The following STXBP5 variants were observed in gnomAD, a reference collection of about 807,000 sequenced individuals.
STXBP5 encodes the protein syntaxin-binding protein 5.
A neutral mutation model predicts 152.4 loss-of-function variants in STXBP5; 50 were observed. The ratio of observed to expected loss-of-function variants is 0.33; its 90% CI spans 0.26 to 0.42. The LOEUF (loss-of-function observed/expected upper bound fraction) is 0.42. Among genes scored for constraint, STXBP5 ranks in the 10% least tolerant of loss-of-function variants. The pLI is 1.00. For missense variants in STXBP5, 1,167 were observed against 1,388.6 expected, an observed-to-expected ratio of 0.84 and a Z score of 2.54; for synonymous variants, 492 against 494.7, an observed-to-expected ratio of 0.99 and a Z score of 0.07.
chr6:147,317,166 G>A (rs948168985), intron 16 of STXBP5, among the ~76,000 whole-genome samples: 1 of 152,096 alleles, frequency 6.6e-6, no homozygotes, highest in South Asian at 2.1e-4. Flanking sequence ...GGTAGAGAGG[G>A]TAGTAAGTAA....
At position 147,316,400 on chromosome 6, in the gene STXBP5, T is replaced by A. The variant is rs778593617; in HGVS notation, c.1795T>A (p.Cys599Ser). 1 of 1,519,662 alleles carries A rather than the reference T, an allele frequency of 6.6e-7. No homozygotes were observed. The highest frequency in any genetic ancestry group is 8.8e-7 in the Non-Finnish European group (1 of 1,137,736). The allele number at this position is 1,519,662 out of a possible 1,614,324, so 94.1% of individuals were successfully genotyped here. A position where few individuals can be genotyped will look rare whatever the true frequency, so the allele number is the denominator to read the frequency against. The change falls in exon 16 of 28, where the codon TGT becomes AGT. Residue 599 changes from cysteine (C) to serine (S), a missense_variant. By Grantham distance (112) the Cys-to-Ser change is moderately radical. This residue lies in a region of STXBP5 where 833 missense variants were observed against 986.3 expected (regional missense o/e 0.84). Transcript: ENST00000321680. ...SSDGLRDNVP[C>S]LKVKNSPLKQ... ...TGATGGGCTTCGTGATAATGTACCT[T>A]GTTTAAAGTAAGTTATAAAAAACTA...
intron 5 of STXBP5, among the ~76,000 whole-genome samples, chr6:147,261,531 G>A (rs1014688691): frequency 4.6e-5 from 7 of 151,982 alleles, no homozygotes; most frequent in Non-Finnish European, 8.8e-5. Flanking sequence ...TTTGAGATAA[G>A]GATAATTCTG....
At chr6:147,267,384 A>G (rs1418077334) in intron 7 of STXBP5, among the ~76,000 whole-genome samples, 1 of 152,196 alleles carries the variant, frequency 6.6e-6, no homozygotes, top group Non-Finnish European at 1.5e-5. Flanking sequence ...TACAGGTAGC[A>G]TGTTACCAGT....
At position 147,252,168 on chromosome 6, in the gene STXBP5, TCTC is replaced by T. The variant is rs1421165328; in HGVS notation, c.432-8442_432-8440del. 1.2e-4 allele frequency among the ~76,000 whole-genome samples: 18 copies of T among 152,062 alleles called. No homozygotes were observed. The East Asian group carries it at 3.3e-3, about 28-fold the overall frequency. ...AAAATTCAAAAACCAAAATGTCTCT[TCTC>T]CTCCAAAGGATCACAACTCCTTGCC... On this transcript the variant is annotated intron_variant, in intron 4 of 27. Transcript: ENST00000321680.
At chr6:147,231,952 T>C (rs1423312652) in intron 2 of STXBP5, among the ~76,000 whole-genome samples, 1 of 151,934 alleles carries the variant, frequency 6.6e-6, no homozygotes, top group Non-Finnish European at 1.5e-5. Flanking sequence ...TCTTGTATTA[T>C]AATGGTATGT....
chr6:147,248,866 G>C (rs1008985883), intron 4 of STXBP5, among the ~76,000 whole-genome samples: 5 of 152,144 alleles, frequency 3.3e-5, no homozygotes, highest in African/African-American at 9.7e-5. Context: ...TTAAGAGACT[G>C]GATTTTTCCT....
intron 15 of STXBP5, among the ~76,000 whole-genome samples, 170 bp from the exon 16 acceptor site, chr6:147,316,059 C>T (rs1304817314): frequency 2.0e-5 from 3 of 152,034 alleles, no homozygotes; most frequent in South Asian, 2.1e-4. Flanking sequence ...GAGTCAAGAA[C>T]GTTTTCTTTC....
In STXBP5 at chr6:147,277,039, G is replaced by T. The variant is rs117562827; in HGVS notation, c.715-1042G>T. Among the ~76,000 whole-genome samples the T allele has an allele frequency of 3.9e-3, 590 of 152,120 alleles. 7 individuals are homozygous for T. Among genetic ancestry groups the T allele is most frequent in the South Asian group, 0.011 (53 of 4,832 alleles). On this transcript the variant is annotated intron_variant, in intron 7 of 27. Transcript: ENST00000321680. The stretch of plus-strand genomic sequence containing the variant: ...TTATGATATTTTTGACTTATGATGA[G>T]TTTATCAGGGTATGACTTCATCGTA...
intron 9 of STXBP5, among the ~76,000 whole-genome samples, chr6:147,302,328 C>A (rs1781862732): frequency 6.6e-6 from 1 of 152,074 alleles, no homozygotes; most frequent in South Asian, 2.1e-4. Context: ...AACAGGCACA[C>A]ACCTACAAAA....
chr6:147,258,499 T>C (rs1255070751), intron 4 of STXBP5, among the ~76,000 whole-genome samples: 43 of 152,154 alleles, frequency 2.8e-4, no homozygotes, highest in Non-Finnish European at 1.5e-5. Flanking sequence ...AGTGAGTGGA[T>C]CTCGGCTCAC....
At chr6:147,315,891 A>AT (rs1460465526) in intron 15 of STXBP5, among the ~76,000 whole-genome samples, 156 bp downstream of exon 15, 2 of 152,130 alleles carry the variant, frequency 1.3e-5, no homozygotes, top group Non-Finnish European at 2.9e-5. Flanking sequence ...AAAAAACAGC[A>AT]TTTTTTGCAT....
chr6:147,240,365 G>A (rs1778482154), intron 4 of STXBP5, among the ~76,000 whole-genome samples: 1 of 151,944 alleles, frequency 6.6e-6, no homozygotes, highest in African/African-American at 2.4e-5. Flanking sequence ...GACATATATT[G>A]TTTATCTTGT....
At chr6:147,236,185 A>G (rs1218653660) in intron 3 of STXBP5, among the ~76,000 whole-genome samples, 3 of 152,232 alleles carry the variant, frequency 2.0e-5, no homozygotes, top group African/African-American at 4.8e-5. Flanking sequence ...ATGACAATGT[A>G]AAAACCTCCA....
chr6:147,247,869 C>G (rs1460954105), intron 4 of STXBP5, among the ~76,000 whole-genome samples: 1 of 152,012 alleles, frequency 6.6e-6, no homozygotes, highest in Non-Finnish European at 1.5e-5. Context: ...AGAGACTGTT[C>G]TAGTTCCAAA....
intron 18 of STXBP5, among the ~76,000 whole-genome samples, chr6:147,327,614 T>G (rs1028480285): frequency 6.6e-6 from 1 of 152,136 alleles, no homozygotes; most frequent in African/African-American, 2.4e-5. Flanking sequence ...GCTGGTTTTT[T>G]GTATTTTTTG....
At chr6:147,321,722 A>G (rs1782946424) in intron 16 of STXBP5, among the ~76,000 whole-genome samples, 1 of 152,268 alleles carries the variant, frequency 6.6e-6, no homozygotes, top group South Asian at 2.1e-4. Context: ...GCATCACTTT[A>G]ACATTTAAAA....
chr6:147,367,961 G>GA (rs953433883), intron 25 of STXBP5, among the ~76,000 whole-genome samples: 34 of 149,814 alleles, frequency 2.3e-4, no homozygotes, highest in Admixed American at 8.6e-4. Flanking sequence ...AAGCCTCACT[G>GA]AAAAAAAAAT....
chr6:147,218,771 G>A (rs998750549), intron 2 of STXBP5, among the ~76,000 whole-genome samples: 1 of 152,218 alleles, frequency 6.6e-6, no homozygotes, highest in Non-Finnish European at 1.5e-5. Flanking sequence ...CTGTGCCTGG[G>A]TGTGAATGAG....
At position 147,291,179 on chromosome 6, in the gene STXBP5, T is replaced by C; in HGVS notation, c.917+7T>C. 6.2e-7 allele frequency: 1 copy of C among 1,608,976 alleles called. No individual in the cohort carries two copies. The highest frequency in any genetic ancestry group is 1.7e-5 in the Admixed American group (1 of 59,738). On this transcript the variant is annotated splice_region_variant and intron_variant, in intron 9 of 27. Coordinates refer to ENST00000321680, the MANE Select transcript of STXBP5 (RefSeq NM_001127715.4). The stretch of plus-strand genomic sequence containing the variant: ...TCAAAACGACTAGATCTGGGTAAGA[T>C]TTTACTTCATTGCCAATGTTCATTG...
Sources: gnomAD v4.1 joint callset for allele counts (sites outside exome capture counted in the v4.1 genomes callset) on GRCh38, gnomAD v4.1.1 for gene constraint, gnomAD v4.1.1 regional missense constraint, MANE v1.5 for transcripts, NCBI Gene and HGNC (gene_info 2026-07-23, HGNC 2026-07-21) for gene names.